Variants in CNTNAP2 observed in about 807,000 individuals in gnomAD.
CNTNAP2 encodes the protein contactin-associated protein-like 2.
CNTNAP2 carries 98 observed loss-of-function variants against 155.2 expected under a neutral mutation model. The observed-to-expected ratio is 0.63, with a 90% CI of 0.54 to 0.75. The LOEUF (loss-of-function observed/expected upper bound fraction) is 0.75, where lower values mean the gene tolerates loss of function less well. CNTNAP2 is among the 30% of genes least tolerant of loss of function. The probability of loss-of-function intolerance (pLI) is 0.00; values close to 1 mark genes in which losing one functional copy is unlikely to be tolerated. For missense variants in CNTNAP2, 1,727 were observed against 1,688.1 expected (o/e 1.02, Z -0.40); for synonymous variants, 651 against 631.2 (o/e 1.03, Z -0.47).
intron 13 of CNTNAP2, among the ~76,000 whole-genome samples, chr7:147,891,071 A>G (rs1799682361): frequency 6.6e-6 from 1 of 152,220 alleles, no homozygotes; most frequent in Admixed American, 6.5e-5. Flanking sequence ...TCAATTAAAA[A>G]CTATTTTTTT....
chr7:148,289,519 T>G (rs539809240), intron 21 of CNTNAP2, among the ~76,000 whole-genome samples: 5 of 151,574 alleles, frequency 3.3e-5, no homozygotes, highest in Admixed American at 2.0e-4. Context: ...TTTTTTTCAT[T>G]CCTTTTTCCC....
chr7:146,198,104 A>G (rs192065733), intron 1 of CNTNAP2, among the ~76,000 whole-genome samples: 23 of 152,246 alleles, frequency 1.5e-4, no homozygotes, highest in African/African-American at 5.3e-4. Flanking sequence ...CCTCCCACCA[A>G]GTCCCTCCCT....
rs990372677 is a variant in CNTNAP2 at position 146,356,038 on chromosome 7, A to G, written c.97+239065A>G. Among the ~76,000 whole-genome samples the G allele has an allele frequency of 8.1e-5, 12 of 148,584 alleles. No individual in the cohort carries two copies. The East Asian group carries it at 1.8e-3, about 22-fold the overall frequency. ...GTCTTCATCAAGAAAACATATATGA[A>G]GTATACATACGAATACACACACACA... On this transcript the variant is annotated intron_variant, in intron 1 of 23. Coordinates refer to ENST00000361727, the MANE Select transcript of CNTNAP2 (RefSeq NM_014141.6).
chr7:146,924,471 T>C (rs1245898290), intron 3 of CNTNAP2, among the ~76,000 whole-genome samples: 1 of 152,114 alleles, frequency 6.6e-6, no homozygotes, highest in Admixed American at 6.6e-5. Flanking sequence ...ATAATGTTCA[T>C]AACAGTTAGT....
At chr7:147,621,862 A>G (rs911530019) in intron 12 of CNTNAP2, among the ~76,000 whole-genome samples, 5 of 151,958 alleles carry the variant, frequency 3.3e-5, no homozygotes, top group African/African-American at 1.2e-4. Flanking sequence ...AAGAAAAACC[A>G]TTTGATCTGT....
intron 3 of CNTNAP2, among the ~76,000 whole-genome samples, chr7:146,849,149 T>C (rs1354705786): frequency 6.6e-6 from 1 of 152,218 alleles, no homozygotes; most frequent in East Asian, 1.9e-4. Flanking sequence ...GCTTAATTTA[T>C]ATAATGTAAA....
chr7:146,327,330 T>G (rs982362263), intron 1 of CNTNAP2, among the ~76,000 whole-genome samples: 1 of 152,184 alleles, frequency 6.6e-6, no homozygotes, highest in Non-Finnish European at 1.5e-5. Context: ...TAATATTGGT[T>G]AAACATTAAA....
chr7:148,103,563 A>C (rs1804147967), intron 15 of CNTNAP2, among the ~76,000 whole-genome samples: 1 of 152,174 alleles, frequency 6.6e-6, no homozygotes. Flanking sequence ...TGTGTCATCA[A>C]TGTGAATTCC....
chr7:147,465,573 A>T (rs1304693514), intron 10 of CNTNAP2, among the ~76,000 whole-genome samples: 1 of 152,272 alleles, frequency 6.6e-6, no homozygotes, highest in Admixed American at 6.5e-5. Flanking sequence ...TCTAAATGGC[A>T]AATTGCTCAA....
At chr7:147,374,855 A>C (rs1035317903) in intron 9 of CNTNAP2, among the ~76,000 whole-genome samples, 13 of 152,040 alleles carry the variant, frequency 8.6e-5, no homozygotes, top group African/African-American at 2.9e-4. Flanking sequence ...CTATACACTC[A>C]GTAATTTCAC....
Position 147,300,195 on chromosome 7 carries a change from A to C in CNTNAP2, c.1403A>C (p.Asn468Thr), listed in dbSNP as rs1326055549. The change falls in exon 9 of 24, where the codon AAT becomes ACT. Residue 468 changes from asparagine to threonine, a missense_variant. Asn to Thr is a moderately conservative substitution (Grantham distance 65, BLOSUM62 0). Coordinates refer to ENST00000361727, the MANE Select transcript of CNTNAP2 (RefSeq NM_014141.6). ...GAGGTTCGCTTCCTAGCCAAGGAAA[A>C]TTTTGCTATTCTCACCATCGATGGA... ...WHEVRFLAKE[N>T]FAILTIDGDE... 2 of 1,613,860 alleles carry C rather than the reference A, an allele frequency of 1.2e-6. No homozygotes were observed. Among genetic ancestry groups the C allele is most frequent in the African/African-American group, 2.7e-5 (2 of 74,870 alleles).
intron 3 of CNTNAP2, among the ~76,000 whole-genome samples, chr7:146,973,207 T>C (rs1044718563): frequency 4.6e-5 from 7 of 152,288 alleles, no homozygotes; most frequent in South Asian, 2.1e-4. Context: ...TTTGTAATTT[T>C]AGTAGAGACA....
intron 1 of CNTNAP2, among the ~76,000 whole-genome samples, chr7:146,457,639 G>A (rs1215346881): frequency 6.7e-6 from 1 of 149,552 alleles, no homozygotes; most frequent in East Asian, 2.0e-4. Context: ...GAGGAGCTGG[G>A]ACTACAGGTA....
intron 21 of CNTNAP2, among the ~76,000 whole-genome samples, chr7:148,326,663 G>A (rs111852471): frequency 0.2 from 31,057 of 151,786 alleles, 3,288 homozygotes; most frequent in Admixed American, 0.25. Context: ...TCAGGAGATC[G>A]AGACCATCTT....
chr7:146,896,783 T>G (rs190423357), intron 3 of CNTNAP2, among the ~76,000 whole-genome samples: 1 of 152,234 alleles, frequency 6.6e-6, no homozygotes, highest in African/African-American at 2.4e-5. Context: ...AATATAATTT[T>G]ACTTTAGTAA....
intron 11 of CNTNAP2, among the ~76,000 whole-genome samples, chr7:147,560,168 C>CAAAAAAAAAAAAAAA (rs71183016): frequency 0.088 from 4,610 of 52,582 alleles, 687 homozygotes; most frequent in East Asian, 0.12. Flanking sequence ...AACTCCGTCT[C>CAAAAAAAAAAAAAAA]AAAAAAAAAA....
chr7:146,924,178 C>T (rs1403742482), intron 3 of CNTNAP2, among the ~76,000 whole-genome samples: 1 of 152,116 alleles, frequency 6.6e-6, no homozygotes, highest in Non-Finnish European at 1.5e-5. Context: ...ACACTCAGGC[C>T]TTGTCAGGTT....
At chr7:148,290,104 T>C (rs551771357) in intron 21 of CNTNAP2, among the ~76,000 whole-genome samples, 11 of 152,324 alleles carry the variant, frequency 7.2e-5, no homozygotes, top group African/African-American at 1.9e-4. Context: ...CATATTTAAG[T>C]AGTCACGGTA....
chr7:146,590,661 G>A (rs1798767524), intron 1 of CNTNAP2, among the ~76,000 whole-genome samples: 1 of 152,094 alleles, frequency 6.6e-6, no homozygotes, highest in Non-Finnish European at 1.5e-5. Flanking sequence ...TTAAAACACA[G>A]ATGCACAACA....
Sources: gnomAD v4.1 joint callset for allele counts (sites outside exome capture counted in the v4.1 genomes callset) on GRCh38, gnomAD v4.1.1 for gene constraint, MANE v1.5 for transcripts, NCBI Gene and HGNC (gene_info 2026-07-23, HGNC 2026-07-21) for gene names.